Variants in TMEM135 observed in about 807,000 individuals in gnomAD.
TMEM135 encodes transmembrane protein 135.
A neutral mutation model predicts 60.3 loss-of-function variants in TMEM135; 30 were observed. That is an observed-to-expected ratio of 0.50 (90% CI 0.37 to 0.68). TMEM135 has a LOEUF of 0.68. Ranked by LOEUF, TMEM135 falls within the 30% of genes least tolerant of loss-of-function variation. TMEM135 has a pLI of 0.00. For missense variants in TMEM135, 468 were observed against 548.8 expected (o/e 0.85, Z 1.47); for synonymous variants, 190 against 186.7 (o/e 1.02, Z -0.14).
chr11:87,253,759 A>G (rs1941469050), intron 6 of TMEM135, among the ~76,000 whole-genome samples: 1 of 149,670 alleles, frequency 6.7e-6, no homozygotes. Context: ...AGGTACATCA[A>G]ATTGGCACTG....
At chr11:87,248,651 G>T (rs1255841497) in intron 6 of TMEM135, among the ~76,000 whole-genome samples, 1 of 151,662 alleles carries the variant, frequency 6.6e-6, no homozygotes, top group Non-Finnish European at 1.5e-5. Context: ...TTTCTATGAA[G>T]ACTGTCATTG....
intron 3 of TMEM135, among the ~76,000 whole-genome samples, chr11:87,080,614 C>A (rs1219969030): frequency 6.6e-6 from 1 of 151,926 alleles, no homozygotes; most frequent in Admixed American, 6.6e-5. Flanking sequence ...ATGAATTGAA[C>A]CTTTTATCCA....
intron 13 of TMEM135, 57 bp from the exon 14 acceptor site, chr11:87,319,253 C>A (rs1389841026): frequency 1.1e-5 from 15 of 1,366,172 alleles, no homozygotes; most frequent in East Asian, 4.6e-5. Flanking sequence ...TTGTGTATTT[C>A]ATCACTTTCA....
chr11:87,167,357 T>A (rs1436388597), intron 5 of TMEM135, among the ~76,000 whole-genome samples: 1 of 152,060 alleles, frequency 6.6e-6, no homozygotes, highest in Admixed American at 6.6e-5. Context: ...ATAGGAGTGG[T>A]GAGAGAGAGG....
intron 6 of TMEM135, among the ~76,000 whole-genome samples, chr11:87,278,142 T>TAAAGCCTGAGGAACATC (rs1942000939): frequency 6.6e-6 from 1 of 152,198 alleles, no homozygotes; most frequent in Non-Finnish European, 1.5e-5. Context: ...CTCAGGCTTT[T>TAAAGCCTGAGGAACATC]ACCTTGTATC....
chr11:87,102,858 T>A (rs1011891178), intron 4 of TMEM135, among the ~76,000 whole-genome samples: 22 of 151,922 alleles, frequency 1.4e-4, no homozygotes, highest in Non-Finnish European at 3.1e-4. Context: ...TATGTCCTTA[T>A]TAACTATGGT....
rs1938566210 is a variant in TMEM135, at chr11:87,151,955, A to G, written c.397-5386A>G. Among the ~76,000 whole-genome samples, 8 of 152,136 alleles carry G rather than the reference A, an allele frequency of 5.3e-5. No individual in the cohort carries two copies. The South Asian group carries it at 1.7e-3, about 32-fold the overall frequency. ...TTCCTTTAGGGAATCTTCTCTTAGT[A>G]TGAGAGGGAGGTGATCGGTGTCTAA... On this transcript the variant is annotated intron_variant, in intron 4 of 14. Coordinates refer to ENST00000305494, the MANE Select transcript of TMEM135 (RefSeq NM_022918.4).
chr11:87,054,359 C>T (rs1047396171), intron 1 of TMEM135, among the ~76,000 whole-genome samples: 4 of 151,842 alleles, frequency 2.6e-5, no homozygotes, highest in Non-Finnish European at 4.4e-5. Flanking sequence ...CACTGGAGCC[C>T]GGAGGCAGAG....
At chr11:87,066,265 T>C (rs960080561) in intron 1 of TMEM135, among the ~76,000 whole-genome samples, 2 of 152,208 alleles carry the variant, frequency 1.3e-5, no homozygotes, top group Admixed American at 1.3e-4. Flanking sequence ...TTCATTATGA[T>C]GGAGAAGTAC....
Position 87,253,135 on chromosome 11 carries a change from C to T in TMEM135, c.509+16451C>T, listed in dbSNP as rs528247052. On this transcript the variant is annotated intron_variant, in intron 6 of 14. Coordinates refer to ENST00000305494, the MANE Select transcript of TMEM135 (RefSeq NM_022918.4). The stretch of plus-strand genomic sequence containing the variant: ...ATTGGTAGAAAAAAATTAGCCTGCT[C>T]ATTTGTTGAGTGTACTCTAAGAATG... Among the ~76,000 whole-genome samples the T allele has an allele frequency of 2.6e-5, 4 of 152,154 alleles. No individual in the cohort carries two copies. The East Asian group carries it at 7.7e-4, about 29-fold the overall frequency.
At chr11:87,203,446 A>G (rs79941828) in intron 5 of TMEM135, among the ~76,000 whole-genome samples, 5,375 of 152,212 alleles carry the variant, frequency 0.035, 286 homozygotes, top group African/African-American at 0.11. Flanking sequence ...TATAGTTGAA[A>G]CCATACAATA....
At chr11:87,076,141 G>A (rs537549399) in intron 3 of TMEM135, among the ~76,000 whole-genome samples, 21 of 152,304 alleles carry the variant, frequency 1.4e-4, no homozygotes, top group African/African-American at 5.1e-4. Context: ...AAGTTCTCCC[G>A]GGCCCTGGGC....
At chr11:87,233,176 A>T (rs1169716878) in intron 5 of TMEM135, among the ~76,000 whole-genome samples, 2 of 151,828 alleles carry the variant, frequency 1.3e-5, no homozygotes, top group African/African-American at 4.8e-5. Flanking sequence ...CAGAACAAAA[A>T]CTCAGTTAAT....
intron 4 of TMEM135, chr11:87,095,348 A>G (rs1054254718): frequency 2.8e-5 from 6 of 215,216 alleles, no homozygotes; most frequent in Non-Finnish European, 5.1e-5. Flanking sequence ...AAGGTTCCCA[A>G]TTTTTCAGTT....
intron 5 of TMEM135, among the ~76,000 whole-genome samples, chr11:87,197,352 CAG>C (rs1473406904): frequency 3.3e-5 from 5 of 151,980 alleles, no homozygotes; most frequent in Non-Finnish European, 5.9e-5. Flanking sequence ...GACTCTCATA[CAG>C]AGTTATGAAG....
At chr11:87,123,394 C>T (rs779200760) in intron 4 of TMEM135, among the ~76,000 whole-genome samples, 1 of 152,136 alleles carries the variant, frequency 6.6e-6, no homozygotes, top group African/African-American at 2.4e-5. Flanking sequence ...CATCACATGG[C>T]CTTCTTCTCT....
chr11:87,119,958 T>C (rs1435401419), intron 4 of TMEM135, among the ~76,000 whole-genome samples: 1 of 151,786 alleles, frequency 6.6e-6, no homozygotes, highest in African/African-American at 2.4e-5. Flanking sequence ...AGTCATTGTA[T>C]GTATGTAGTC....
chr11:87,226,963 C>T (rs137942331), intron 5 of TMEM135, among the ~76,000 whole-genome samples: 241 of 152,232 alleles, frequency 1.6e-3, no homozygotes, highest in African/African-American at 5.7e-3. Flanking sequence ...GCATGAGAAT[C>T]ACTTGAACCT....
At chr11:87,227,689 T>A (rs1460252277) in intron 5 of TMEM135, among the ~76,000 whole-genome samples, 1 of 152,156 alleles carries the variant, frequency 6.6e-6, no homozygotes, top group African/African-American at 2.4e-5. Context: ...CAAGTAAATA[T>A]TATGATAATG....
Sources: gnomAD v4.1 joint callset for allele counts (sites outside exome capture counted in the v4.1 genomes callset) on GRCh38, gnomAD v4.1.1 for gene constraint, MANE v1.5 for transcripts, NCBI Gene and HGNC (gene_info 2026-07-23, HGNC 2026-07-21) for gene names.